The following ARHGAP24 variants were observed in gnomAD, a reference collection of about 807,000 sequenced individuals.
ARHGAP24 encodes Rho GTPase activating protein 24.
ARHGAP24 carries 50 observed loss-of-function variants against 76.4 expected under a neutral mutation model. That is an observed-to-expected ratio of 0.65 (90% CI 0.52 to 0.83). The LOEUF (loss-of-function observed/expected upper bound fraction) is 0.83, where lower values mean the gene tolerates loss of function less well. Ranked by LOEUF, ARHGAP24 falls within the 40% of genes least tolerant of loss-of-function variation. ARHGAP24 has a pLI of 0.00. For synonymous variants in ARHGAP24, 345 were observed against 323.3 expected (o/e 1.07, Z -0.72); for missense variants, 930 against 914.2 (o/e 1.02, Z -0.22).
chr4:85,541,098 G>C (rs1725670011), intron 1 of ARHGAP24, among the ~76,000 whole-genome samples: 1 of 126,502 alleles, frequency 7.9e-6, no homozygotes, highest in Admixed American at 8.1e-5. Context: ...ACAGTCCTCC[G>C]TTTTTGACCC....
At chr4:85,710,207 C>T (rs1396654495) in intron 2 of ARHGAP24, among the ~76,000 whole-genome samples, 5 of 151,966 alleles carry the variant, frequency 3.3e-5, no homozygotes, top group Admixed American at 1.3e-4. Context: ...AGGTCGCACA[C>T]GTACAACCAT....
At chr4:85,626,732 T>G (rs1173857542) in intron 2 of ARHGAP24, among the ~76,000 whole-genome samples, 2 of 152,162 alleles carry the variant, frequency 1.3e-5, no homozygotes, top group Non-Finnish European at 1.5e-5. Flanking sequence ...GTAGATTTGG[T>G]CTTTTCACAT....
chr4:85,804,076 T>C (rs759938754), intron 3 of ARHGAP24, among the ~76,000 whole-genome samples: 38 of 152,032 alleles, frequency 2.5e-4, no homozygotes, highest in Non-Finnish European at 5.0e-4. Context: ...TTCAGCCTCC[T>C]GAGTAGCTGG....
At chr4:85,630,131 A>T (rs1721110439) in intron 2 of ARHGAP24, among the ~76,000 whole-genome samples, 3 of 151,852 alleles carry the variant, frequency 2.0e-5, no homozygotes, top group Admixed American at 6.6e-5. Context: ...TCTGCGGTTG[A>T]ATCTTTTTAT....
chr4:85,517,083 C>A (rs1487517909), intron 1 of ARHGAP24, among the ~76,000 whole-genome samples: 1 of 152,104 alleles, frequency 6.6e-6, no homozygotes, highest in Non-Finnish European at 1.5e-5. Context: ...GTTTCCACAG[C>A]ACTTGGTCCA....
At chr4:85,704,801 T>G (rs1392563465) in intron 2 of ARHGAP24, among the ~76,000 whole-genome samples, 1 of 152,176 alleles carries the variant, frequency 6.6e-6, no homozygotes, top group South Asian at 2.1e-4. Context: ...CAGTACCGTA[T>G]CTGGCATATA....
chr4:85,773,504 ATTCAAATTGTATT>A (rs1727203434), intron 3 of ARHGAP24, among the ~76,000 whole-genome samples: 1 of 152,126 alleles, frequency 6.6e-6, no homozygotes, highest in East Asian at 1.9e-4. Flanking sequence ...CTCCTTCTGC[ATTCAAATTGTATT>A]TTGGTTCTAT....
At chr4:85,649,035 G>T (rs201655286) in intron 2 of ARHGAP24, among the ~76,000 whole-genome samples, 1 of 144,998 alleles carries the variant, frequency 6.9e-6, no homozygotes, top group African/African-American at 2.5e-5. Flanking sequence ...GTGTGTGTGT[G>T]TTTGTGTGTG....
At chr4:85,734,359 A>T (rs957862950) in intron 3 of ARHGAP24, among the ~76,000 whole-genome samples, 1 of 115,898 alleles carries the variant, frequency 8.6e-6, no homozygotes, top group Non-Finnish European at 2.2e-5. Context: ...TATTGTCTTT[A>T]TTTGTGTATT....
chr4:85,500,213 C>G (rs1449987021), intron 1 of ARHGAP24, among the ~76,000 whole-genome samples: 1 of 152,046 alleles, frequency 6.6e-6, no homozygotes, highest in Non-Finnish European at 1.5e-5. Flanking sequence ...AATGTAGATA[C>G]TAGAAAATTT....
At chr4:85,697,522 C>T (rs1723913678) in intron 2 of ARHGAP24, among the ~76,000 whole-genome samples, 1 of 152,180 alleles carries the variant, frequency 6.6e-6, no homozygotes, top group African/African-American at 2.4e-5. Context: ...AAAAATATGT[C>T]TGCATAAAAC....
At chr4:85,854,093 C>G (rs1221058463) in intron 3 of ARHGAP24, among the ~76,000 whole-genome samples, 2 of 143,758 alleles carry the variant, frequency 1.4e-5, no homozygotes, top group Non-Finnish European at 3.0e-5. Context: ...CAAGACCACA[C>G]CATTGCCCTC....
chr4:85,625,349 C>G (rs1446962446), intron 2 of ARHGAP24, among the ~76,000 whole-genome samples: 1 of 152,156 alleles, frequency 6.6e-6, no homozygotes. Context: ...CATTCAGGAG[C>G]AGGTTGTTCA....
intron 3 of ARHGAP24, among the ~76,000 whole-genome samples, chr4:85,882,578 A>G (rs1164408518): frequency 6.6e-6 from 1 of 152,204 alleles, no homozygotes; most frequent in African/African-American, 2.4e-5. Flanking sequence ...GGGCACAATA[A>G]GCTTTGTGGT....
chr4:85,828,021 G>T, intron 3 of ARHGAP24: 1 of 1,255,406 alleles, frequency 8.0e-7, no homozygotes, highest in Non-Finnish European at 1.0e-6. Context: ...AAATTGCCAG[G>T]TATTGTTGTT....
rs1216326519 is a variant in ARHGAP24 at position 85,570,514 on chromosome 4, C to T, written c.-20-8C>T. ...CATTATTTTCCTTTCTTTTTGTTTG[C>T]TAACTAGGAAAGTCCATCAGCTTGA... On this transcript the variant is annotated splice_region_variant and splice_polypyrimidine_tract_variant and intron_variant, in intron 1 of 9. Coordinates refer to ENST00000395184, the MANE Select transcript of ARHGAP24 (RefSeq NM_001025616.3). 5.6e-6 allele frequency: 9 copies of T among 1,609,100 alleles called. No homozygotes were observed. In the South Asian group the frequency reaches 9.9e-5, roughly 18 times the overall value.
chr4:85,747,967 A>G (rs1372369552), intron 3 of ARHGAP24, among the ~76,000 whole-genome samples: 3 of 152,230 alleles, frequency 2.0e-5, no homozygotes, highest in Non-Finnish European at 2.9e-5. Flanking sequence ...TTTAAAACCA[A>G]TTAGACTTTT....
At chr4:85,881,509 T>C (rs1733252430) in intron 3 of ARHGAP24, among the ~76,000 whole-genome samples, 1 of 152,170 alleles carries the variant, frequency 6.6e-6, no homozygotes, top group Non-Finnish European at 1.5e-5. Flanking sequence ...GGAGTAAATT[T>C]CCGTTCATCT....
chr4:85,865,450 TAATA>T (rs558820583), intron 3 of ARHGAP24, among the ~76,000 whole-genome samples: 13 of 146,908 alleles, frequency 8.8e-5, no homozygotes. Context: ...TTATTATTAA[TAATA>T]AATAATAATA....
Sources: allele counts gnomAD v4.1 joint callset (sites outside exome capture counted in the v4.1 genomes callset), GRCh38; gene constraint gnomAD v4.1.1; transcripts MANE v1.5; gene names NCBI Gene and HGNC (gene_info 2026-07-23, HGNC 2026-07-21).